Variants in CDH13 observed in about 807,000 individuals in gnomAD.
The protein encoded by CDH13 is cadherin-13.
In CDH13, 24 loss-of-function variants were observed where a neutral mutation model predicts 63.8. The observed-to-expected ratio is 0.38, with a 90% CI of 0.27 to 0.53. The LOEUF is 0.53. Among genes scored for constraint, CDH13 ranks in the 20% least tolerant of loss-of-function variants. The pLI is 0.85. For synonymous variants in CDH13, 503 were observed against 355.3 expected, an observed-to-expected ratio of 1.42 and a Z score of -4.67; for missense variants, 1,049 against 903.1, an observed-to-expected ratio of 1.16 and a Z score of -2.07.
At position 83,522,302 on chromosome 16, in the gene CDH13, C is replaced by T. The variant is rs533577067; in HGVS notation, c.960+35647C>T. ...ATGTAGCCTGCCATTGTTTTAAAGT[C>T]ATGTATTATTCACTTGATGGAGTGT... On this transcript the variant is annotated intron_variant, in intron 7 of 13. Transcript: ENST00000567109. Among the ~76,000 whole-genome samples, 77 of 152,308 alleles carry T rather than the reference C, an allele frequency of 5.1e-4. 2 individuals carry two copies. The South Asian group carries it at 0.015, about 29-fold the overall frequency.
intron 2 of CDH13, among the ~76,000 whole-genome samples, chr16:82,892,251 G>A (rs561668604): frequency 8.5e-5 from 13 of 152,266 alleles, no homozygotes; most frequent in East Asian, 1.9e-4. Flanking sequence ...GGTGGTGGAC[G>A]TACAAAACAC....
intron 8 of CDH13, among the ~76,000 whole-genome samples, chr16:83,629,236 C>G (rs925538723): frequency 6.6e-6 from 1 of 152,146 alleles, no homozygotes; most frequent in African/African-American, 2.4e-5. Context: ...AGAGATTGCC[C>G]AAAGAAGTTT....
In CDH13 at chr16:83,512,444, G is replaced by C. The variant is rs376220447; in HGVS notation, c.960+25789G>C. On this transcript the variant is annotated intron_variant, in intron 7 of 13. Transcript: ENST00000567109. The stretch of plus-strand genomic sequence containing the variant: ...CCAGCACTTTGGGAGGCCGAGGTGG[G>C]TGGATCACGAGGTCAGGAGTTTGAG... 2.6e-4 allele frequency among the ~76,000 whole-genome samples: 39 copies of C among 151,158 alleles called. No homozygotes were observed. In the South Asian group the frequency reaches 7.7e-3, roughly 30 times the overall value.
At chr16:82,674,473 C>G (rs1018384525) in intron 1 of CDH13, among the ~76,000 whole-genome samples, 1 of 152,188 alleles carries the variant, frequency 6.6e-6, no homozygotes, top group African/African-American at 2.4e-5. Flanking sequence ...TTCATTCTGT[C>G]TCCATGATAT....
chr16:83,621,675 C>T (rs1480225224), intron 8 of CDH13, among the ~76,000 whole-genome samples: 2 of 151,588 alleles, frequency 1.3e-5, no homozygotes, highest in Admixed American at 1.3e-4. Context: ...TTAGTAGAGA[C>T]GAGGTTTCAC....
chr16:83,670,758 A>G (rs1423444553), intron 8 of CDH13, 32 bp from the exon 9 acceptor site: 2 of 1,607,714 alleles, frequency 1.2e-6, no homozygotes, highest in Non-Finnish European at 1.7e-6. Flanking sequence ...TGTTTTCAAA[A>G]TAGTGACCAT....
intron 3 of CDH13, among the ~76,000 whole-genome samples, chr16:83,078,428 C>T (rs532444047): frequency 6.6e-6 from 1 of 152,182 alleles, no homozygotes; most frequent in Non-Finnish European, 1.5e-5. Context: ...CGACCTAGAT[C>T]CCTCGCATGT....
At chr16:83,503,012 G>C (rs572179226) in intron 7 of CDH13, among the ~76,000 whole-genome samples, 4 of 152,304 alleles carry the variant, frequency 2.6e-5, no homozygotes, top group Non-Finnish European at 5.9e-5. Flanking sequence ...AGCGGAGCTC[G>C]TTGGTTATGC....
At chr16:82,737,362 AT>A (rs1567482516) in intron 1 of CDH13, among the ~76,000 whole-genome samples, 2 of 152,036 alleles carry the variant, frequency 1.3e-5, no homozygotes, top group African/African-American at 4.8e-5. Context: ...CCATCACTAT[AT>A]TTTTCTCCTT....
chr16:83,284,335 T>C (rs1395551576), intron 5 of CDH13, among the ~76,000 whole-genome samples: 1 of 152,150 alleles, frequency 6.6e-6, no homozygotes, highest in African/African-American at 2.4e-5. Flanking sequence ...TTTGAGCAAA[T>C]TGCCTGTTAG....
chr16:82,994,823 A>C (rs1912028474), intron 2 of CDH13, among the ~76,000 whole-genome samples: 1 of 152,192 alleles, frequency 6.6e-6, no homozygotes, highest in Non-Finnish European at 1.5e-5. Context: ...AGGATTTCAG[A>C]CCACTATTAA....
chr16:83,424,540 G>C (rs867851177), intron 6 of CDH13, among the ~76,000 whole-genome samples: 1 of 152,080 alleles, frequency 6.6e-6, no homozygotes, highest in African/African-American at 2.4e-5. Flanking sequence ...GGTAATTCTG[G>C]ATGGAATATT....
chr16:82,814,451 A>G (rs1475506012), intron 1 of CDH13, among the ~76,000 whole-genome samples: 2 of 152,124 alleles, frequency 1.3e-5, no homozygotes, highest in African/African-American at 4.8e-5. Flanking sequence ...ACCAACGGTC[A>G]GTGAGATACT....
At chr16:82,830,105 A>C (rs1334079473) in intron 1 of CDH13, among the ~76,000 whole-genome samples, 1 of 152,016 alleles carries the variant, frequency 6.6e-6, no homozygotes, top group African/African-American at 2.4e-5. Context: ...TTTCCCCCAG[A>C]TGAGGGAGCA....
intron 7 of CDH13, among the ~76,000 whole-genome samples, chr16:83,566,066 G>A (rs187140193): frequency 1.2e-4 from 19 of 152,284 alleles, no homozygotes; most frequent in East Asian, 3.9e-4. Context: ...GTGTTCATCC[G>A]TCTCTTGACT....
chr16:83,428,406 A>G (rs1449368283), intron 6 of CDH13, among the ~76,000 whole-genome samples: 1 of 151,450 alleles, frequency 6.6e-6, no homozygotes, highest in Non-Finnish European at 1.5e-5. Flanking sequence ...TCCTGAGTTG[A>G]TTTTAGCTTT....
chr16:82,948,437 G>T (rs1189481441), intron 2 of CDH13, among the ~76,000 whole-genome samples: 1 of 152,114 alleles, frequency 6.6e-6, no homozygotes, highest in Admixed American at 6.6e-5. Context: ...TTAGAGTTCA[G>T]TTTGCTGTCT....
At chr16:83,191,649 G>A (rs2038718720) in intron 4 of CDH13, among the ~76,000 whole-genome samples, 1 of 151,138 alleles carries the variant, frequency 6.6e-6, no homozygotes, top group Non-Finnish European at 1.5e-5. Flanking sequence ...AAGCTGAGGA[G>A]CAAGGGAGCC....
At chr16:83,093,260 C>A (rs2034008865) in intron 3 of CDH13, among the ~76,000 whole-genome samples, 1 of 132,540 alleles carries the variant, frequency 7.5e-6, no homozygotes, top group Admixed American at 8.1e-5. Context: ...CAGTTGAACA[C>A]ATTTGGATTT....
Sources: gnomAD v4.1 joint callset for allele counts (sites outside exome capture counted in the v4.1 genomes callset) on GRCh38, gnomAD v4.1.1 for gene constraint, MANE v1.5 for transcripts, NCBI Gene and HGNC (gene_info 2026-07-23, HGNC 2026-07-21) for gene names.